The following NBAS variants were observed in gnomAD, a reference collection of about 807,000 sequenced individuals.
NBAS encodes the protein NBAS subunit of NRZ tethering complex, also known as NAG/BC035112 fusion.
Under a neutral mutation model 302.5 loss-of-function variants are expected in NBAS, and 219 were observed. The observed-to-expected ratio is 0.72, with a 90% CI of 0.65 to 0.81. The LOEUF is 0.81. Among genes scored for constraint, NBAS ranks in the 30% least tolerant of loss-of-function variants. NBAS has a pLI of 0.00. For missense variants in NBAS, 2,932 were observed against 2,841.6 expected (o/e 1.03, Z -0.72); for synonymous variants, 1,118 against 1,021.6 (o/e 1.09, Z -1.80).
At chr2:15,401,666 T>C (rs1676157682) in intron 26 of NBAS, among the ~76,000 whole-genome samples, 1 of 152,142 alleles carries the variant, frequency 6.6e-6, no homozygotes, top group African/African-American at 2.4e-5. Flanking sequence ...AAATTTGACT[T>C]GCATACAACT....
At chr2:15,036,495 G>A in the NBAS span, among the ~76,000 whole-genome samples, 9 of 152,096 alleles carry the variant, frequency 5.9e-5, no homozygotes, top group African/African-American at 2.2e-4. Context: ...TAAAATTCCA[G>A]CCCAGGCCTG....
At chr2:14,887,399 C>CAAAAAAAAAAAAAAAAAAAAAAAAAA in the NBAS span, among the ~76,000 whole-genome samples, 7 of 84,622 alleles carry the variant, frequency 8.3e-5, 1 homozygote, top group African/African-American at 2.7e-4. Flanking sequence ...TGAGACTCCT[C>CAAAAAAAAAAAAAAAAAAAAAAAAAA]AAAAAAAAAA....
chr2:14,815,051 G>T, the NBAS span, among the ~76,000 whole-genome samples: 1 of 152,114 alleles, frequency 6.6e-6, no homozygotes, highest in Non-Finnish European at 1.5e-5. Flanking sequence ...CTTCCATCAT[G>T]ATTGTAAGTT....
chr2:15,331,768 A>C (rs1672363482), intron 35 of NBAS, among the ~76,000 whole-genome samples: 1 of 152,224 alleles, frequency 6.6e-6, no homozygotes, highest in African/African-American at 2.4e-5. Context: ...AAGTAGAATT[A>C]TGGGCCCCCA....
At position 15,224,541 on chromosome 2, in the gene NBAS, A is replaced by G. The variant is rs1667078634; in HGVS notation, c.6237-5573T>C. On this transcript the variant is annotated intron_variant, in intron 47 of 51. Coordinates refer to ENST00000281513, the MANE Select transcript of NBAS (RefSeq NM_015909.4). ...AGATTTTGTGGCTGGCTTGCATAGT[A>G]GATGCCAATGTTTCAAAATTAAGGA... is the stretch of plus-strand genomic sequence containing the variant. Among the ~76,000 whole-genome samples, 3 of 152,234 alleles carry G rather than the reference A, an allele frequency of 2.0e-5. No homozygotes were observed. In the South Asian group the frequency reaches 6.2e-4, roughly 32 times the overall value.
chr2:15,519,140 G>A (rs867759463), intron 9 of NBAS, among the ~76,000 whole-genome samples: 7 of 152,112 alleles, frequency 4.6e-5, no homozygotes, highest in Non-Finnish European at 5.9e-5. Flanking sequence ...ATATAATCTT[G>A]AGACATTCCT....
chr2:15,174,132 A>G (rs936675910), intron 51 of NBAS, among the ~76,000 whole-genome samples: 2 of 152,324 alleles, frequency 1.3e-5, no homozygotes, highest in Middle Eastern at 6.8e-3. Flanking sequence ...GGTTAAAACG[A>G]TAGAAATAAA....
chr2:15,183,592 C>T (rs940580142), intron 50 of NBAS, among the ~76,000 whole-genome samples: 1 of 152,226 alleles, frequency 6.6e-6, no homozygotes, highest in African/African-American at 2.4e-5. Flanking sequence ...TCTCATCCAG[C>T]TTAACCTCTT....
At chr2:15,527,838 G>C (rs1342574761) in intron 9 of NBAS, among the ~76,000 whole-genome samples, 1 of 152,098 alleles carries the variant, frequency 6.6e-6, no homozygotes, top group Non-Finnish European at 1.5e-5. Context: ...ATAATGAGTA[G>C]GTGCTTGTTA....
At chr2:15,327,155 T>C (rs35322044) in intron 38 of NBAS, among the ~76,000 whole-genome samples, 36,253 of 151,968 alleles carry the variant, frequency 0.24, 4,722 homozygotes, top group Middle Eastern at 0.39. Flanking sequence ...ATCTGAAATA[T>C]AGACAAGATA....
chr2:15,523,503 T>C (rs1662776696), intron 9 of NBAS, among the ~76,000 whole-genome samples: 1 of 152,160 alleles, frequency 6.6e-6, no homozygotes, highest in African/African-American at 2.4e-5. Flanking sequence ...ATAGATTATA[T>C]GCAAATACTA....
the NBAS span, among the ~76,000 whole-genome samples, chr2:14,947,862 G>A: frequency 6.6e-6 from 1 of 151,488 alleles, no homozygotes; most frequent in Non-Finnish European, 1.5e-5. Flanking sequence ...CTTTTTTCAT[G>A]TCTATTGAGA....
the NBAS span, among the ~76,000 whole-genome samples, chr2:14,999,465 G>A: frequency 2.0e-5 from 3 of 152,224 alleles, no homozygotes; most frequent in South Asian, 2.1e-4. Flanking sequence ...AGGTGATTGC[G>A]TCATGGGGGC....
At chr2:15,052,552 C>T in the NBAS span, among the ~76,000 whole-genome samples, 1 of 152,326 alleles carries the variant, frequency 6.6e-6, no homozygotes, top group South Asian at 2.1e-4. Flanking sequence ...TAACTCACCT[C>T]GAATGTTGTG....
At chr2:15,217,808 T>C (rs1666721639) in intron 48 of NBAS, among the ~76,000 whole-genome samples, 1 of 152,228 alleles carries the variant, frequency 6.6e-6, no homozygotes, top group Admixed American at 6.5e-5. Flanking sequence ...ACAGGATACT[T>C]AGAGTCAAAA....
At chr2:14,780,651 G>A in the NBAS span, among the ~76,000 whole-genome samples, 1 of 152,210 alleles carries the variant, frequency 6.6e-6, no homozygotes, top group Non-Finnish European at 1.5e-5. Context: ...ACCAGGGGAT[G>A]AACCATTCTG....
chr2:14,968,743 T>G, the NBAS span, among the ~76,000 whole-genome samples: 1 of 152,256 alleles, frequency 6.6e-6, no homozygotes, highest in Non-Finnish European at 1.5e-5. Flanking sequence ...TATATTGCTA[T>G]GACAATGTAA....
At chr2:15,241,810 G>A (rs1667879208) in intron 44 of NBAS, among the ~76,000 whole-genome samples, 1 of 151,848 alleles carries the variant, frequency 6.6e-6, no homozygotes, top group Non-Finnish European at 1.5e-5. Context: ...TTTTAAATAA[G>A]CTCCCCAAAT....
At chr2:15,524,851 G>A (rs966215996) in intron 9 of NBAS, among the ~76,000 whole-genome samples, 38 of 151,354 alleles carry the variant, frequency 2.5e-4, no homozygotes, top group Admixed American at 2.2e-3. Context: ...ACCTTGTTAA[G>A]AGCCATTGGC....
Sources: allele counts gnomAD v4.1 joint callset (sites outside exome capture counted in the v4.1 genomes callset), GRCh38; gene constraint gnomAD v4.1.1; transcripts MANE v1.5; gene names NCBI Gene and HGNC (gene_info 2026-07-23, HGNC 2026-07-21).